Variants in TRPM3 observed in about 807,000 individuals in gnomAD.
The protein encoded by TRPM3 is long transient receptor potential channel 3.
TRPM3 carries 77 observed loss-of-function variants against 181.2 expected under a neutral mutation model. The observed-to-expected ratio is 0.42, with a 90% confidence interval of 0.35 to 0.51. The LOEUF (loss-of-function observed/expected upper bound fraction) is 0.51. TRPM3 is among the 20% of genes least tolerant of loss of function. The probability of loss-of-function intolerance (pLI) is 0.01; values close to 1 mark genes in which losing one functional copy is unlikely to be tolerated. For missense variants in TRPM3, 1,759 were observed against 2,196.7 expected (o/e 0.80, Z 3.98); for synonymous variants, 745 against 796.4 (o/e 0.94, Z 1.09).
intron 1 of TRPM3, among the ~76,000 whole-genome samples, chr9:70,993,863 G>A (rs1446796848): frequency 6.6e-6 from 1 of 151,828 alleles, no homozygotes. Flanking sequence ...CCAGCGTTTG[G>A]GTAGGGTAGC....
intron 1 of TRPM3, among the ~76,000 whole-genome samples, chr9:71,293,730 A>C (rs2086021273): frequency 1.3e-5 from 2 of 151,954 alleles, no homozygotes; most frequent in Admixed American, 1.3e-4. Flanking sequence ...AATTCCAAAT[A>C]TTTTCATGTA....
chr9:71,100,142 T>A (rs959235), intron 1 of TRPM3, among the ~76,000 whole-genome samples: 50 of 152,304 alleles, frequency 3.3e-4, no homozygotes, highest in Admixed American at 1.0e-3. Context: ...TGATTTTTGA[T>A]TCTGATTTTT....
At chr9:70,596,211 T>C (rs1446823735) in intron 21 of TRPM3, among the ~76,000 whole-genome samples, 1 of 152,212 alleles carries the variant, frequency 6.6e-6, no homozygotes, top group Non-Finnish European at 1.5e-5. Context: ...TAGAAACAAG[T>C]AAACCAAGTC....
chr9:71,295,683 A>C (rs2086202728), intron 1 of TRPM3, among the ~76,000 whole-genome samples: 1 of 151,868 alleles, frequency 6.6e-6, no homozygotes, highest in Non-Finnish European at 1.5e-5. Flanking sequence ...ATAAGTAAAT[A>C]AACAAGCAAT....
intron 1 of TRPM3, among the ~76,000 whole-genome samples, chr9:70,880,509 TA>T (rs1226589133): frequency 6.6e-6 from 1 of 152,100 alleles, no homozygotes; most frequent in African/African-American, 2.4e-5. Context: ...TTTTCTATGT[TA>T]AAAAAATAAA....
chr9:71,380,804 C>T (rs1196460452), intron 1 of TRPM3, among the ~76,000 whole-genome samples: 2 of 152,024 alleles, frequency 1.3e-5, no homozygotes, highest in Admixed American at 6.6e-5. Flanking sequence ...CATGGCAATA[C>T]CCTGACCTTT....
chr9:70,920,093 T>C (rs980585919), intron 1 of TRPM3, among the ~76,000 whole-genome samples: 4 of 152,240 alleles, frequency 2.6e-5, no homozygotes, highest in African/African-American at 9.6e-5. Context: ...CAGAGACATT[T>C]ACTGTAGATA....
At chr9:71,002,265 C>T (rs1041352699) in intron 1 of TRPM3, among the ~76,000 whole-genome samples, 1 of 152,238 alleles carries the variant, frequency 6.6e-6, no homozygotes, top group South Asian at 2.1e-4. Context: ...GGAAGCATAA[C>T]CTGACTTCAT....
chr9:70,983,471 C>G (rs186506417), intron 1 of TRPM3, among the ~76,000 whole-genome samples: 2 of 152,292 alleles, frequency 1.3e-5, no homozygotes, highest in South Asian at 4.1e-4. Flanking sequence ...CCAGCATTTT[C>G]TCTCTCTTTA....
intron 1 of TRPM3, among the ~76,000 whole-genome samples, chr9:71,420,194 G>A (rs1339653346): frequency 1.3e-5 from 2 of 152,046 alleles, no homozygotes; most frequent in Middle Eastern, 3.4e-3. Context: ...TGCATGGTGG[G>A]GATGGAAAGT....
intron 1 of TRPM3, among the ~76,000 whole-genome samples, chr9:71,126,738 A>T (rs937743224): frequency 6.6e-6 from 1 of 152,148 alleles, no homozygotes; most frequent in African/African-American, 2.4e-5. Context: ...CATAACTACA[A>T]TTGTTATCTA....
At chr9:71,292,851 C>T (rs552553725) in intron 1 of TRPM3, among the ~76,000 whole-genome samples, 2 of 151,874 alleles carry the variant, frequency 1.3e-5, no homozygotes, top group Admixed American at 1.3e-4. Context: ...AAATAACAGG[C>T]CAATCCTAAT....
intron 1 of TRPM3, among the ~76,000 whole-genome samples, chr9:71,326,290 C>G (rs1422758032): frequency 6.6e-6 from 1 of 152,070 alleles, no homozygotes; most frequent in Non-Finnish European, 1.5e-5. Context: ...TAGAGAAAAG[C>G]CAAAAGACTA....
intron 1 of TRPM3, among the ~76,000 whole-genome samples, chr9:71,424,675 T>C (rs1183387549): frequency 1.3e-5 from 2 of 152,114 alleles, no homozygotes; most frequent in East Asian, 1.9e-4. Flanking sequence ...TTATAGGTGT[T>C]TCCCTGTCTT....
At chr9:71,437,446 T>C (rs1239905136) in intron 1 of TRPM3, among the ~76,000 whole-genome samples, 7 of 152,170 alleles carry the variant, frequency 4.6e-5, no homozygotes, top group Admixed American at 4.6e-4. Flanking sequence ...AAATTCCTAT[T>C]TTAGTGTTTA....
intron 1 of TRPM3, among the ~76,000 whole-genome samples, chr9:71,292,174 A>G (rs1246186838): frequency 3.9e-5 from 6 of 152,100 alleles, no homozygotes; most frequent in Non-Finnish European, 8.8e-5. Flanking sequence ...TGATGAACAC[A>G]CAGTACCTCG....
At chr9:71,380,332 T>C (rs2092769909) in intron 1 of TRPM3, among the ~76,000 whole-genome samples, 1 of 152,096 alleles carries the variant, frequency 6.6e-6, no homozygotes, top group African/African-American at 2.4e-5. Context: ...TTAAATACTT[T>C]AAATCTTGCC....
In TRPM3 at chr9:70,639,043, C is replaced by A; in HGVS notation, c.1581+17G>T. 6.2e-7 allele frequency: 1 copy of A among 1,608,818 alleles called. No individual in the cohort carries two copies. Among genetic ancestry groups the A allele is most frequent in the Non-Finnish European group, 8.5e-7 (1 of 1,178,196 alleles). Reference sequence around the variant, plus strand: ...CAGAAAAAAAAGAAAATAAAAAGTGCCTTAGTTTGGCCCTACCGTATTGTA... The same window carrying A: ...CAGAAAAAAAAGAAAATAAAAAGTGACTTAGTTTGGCCCTACCGTATTGTA... On this transcript the variant is annotated intron_variant, in intron 11 of 25. Transcript: ENST00000677713.
chr9:70,957,776 G>A (rs2133782050), intron 1 of TRPM3, among the ~76,000 whole-genome samples: 1 of 152,220 alleles, frequency 6.6e-6, no homozygotes, highest in East Asian at 1.9e-4. Context: ...GAAAGAAGAG[G>A]CAGAACTTAA....
Sources: gnomAD v4.1 joint callset for allele counts (sites outside exome capture counted in the v4.1 genomes callset) on GRCh38, gnomAD v4.1.1 for gene constraint, MANE v1.5 for transcripts, NCBI Gene and HGNC (gene_info 2026-07-23, HGNC 2026-07-21) for gene names.